MGAM: variants seen among roughly 807,000 people sequenced by gnomAD.
MGAM encodes the protein maltase-glucoamylase.
MGAM carries 253 observed loss-of-function variants against 358.8 expected under a neutral mutation model. The observed-to-expected ratio is 0.71, with a 90% confidence interval of 0.64 to 0.78. The LOEUF (loss-of-function observed/expected upper bound fraction) is 0.78, where lower values mean the gene tolerates loss of function less well. Ranked by LOEUF, MGAM falls within the 30% of genes least tolerant of loss-of-function variation. The pLI is 0.00. For synonymous variants in MGAM, 1,105 were observed against 1,227.1 expected (o/e 0.90, Z 2.08); for missense variants, 3,080 against 3,432.6 (o/e 0.90, Z 2.57).
chr7:142,035,833 A>C (rs1807942700), intron 16 of MGAM, among the ~76,000 whole-genome samples: 2 of 152,180 alleles, frequency 1.3e-5, no homozygotes, highest in Non-Finnish European at 2.9e-5. Flanking sequence ...TGAGGTCAAA[A>C]TAATAATATC....
upstream of MGAM, among the ~76,000 whole-genome samples, chr7:141,993,967 C>G (rs1804053196): frequency 6.6e-6 from 1 of 152,204 alleles, no homozygotes. Context: ...CCTCCGCCTC[C>G]TGGGTTCAAG....
In MGAM at chr7:142,064,385, T is replaced by C; in HGVS notation, c.4347T>C (p.His1449=). The C allele has an allele frequency of 6.2e-7, 1 of 1,607,310 alleles. No homozygotes were observed. Among genetic ancestry groups the C allele is most frequent in the Non-Finnish European group, 8.5e-7 (1 of 1,177,042 alleles). Residue 1449 remains histidine (H), a splice_region_variant and synonymous_variant, in exon 37 of 71, where the codon CAT becomes CAC. Coordinates refer to ENST00000475668, the MANE Select transcript of MGAM (RefSeq NM_001365693.1). The part of the protein sequence containing the change: ...ASLNHPPYMP[H]LESRDRGLSS... ...ACCTCGCCAGTTCTTCCTCCTCAGA[T>C]TTGGAGTCCAGGGACAGGGGCCTGA...
intron 45 of MGAM, among the ~76,000 whole-genome samples, chr7:142,074,986 A>G (rs978264461): frequency 2.1e-5 from 3 of 146,096 alleles, no homozygotes; most frequent in African/African-American, 7.3e-5. Context: ...TGTACCCTTG[A>G]CCATCATCTC....
At chr7:142,035,040 G>T (rs749241088) in intron 16 of MGAM, among the ~76,000 whole-genome samples, 199 bp downstream of exon 16, 1 of 152,146 alleles carries the variant, frequency 6.6e-6, no homozygotes. Context: ...AAGACAGAAC[G>T]TGCAACTTTG....
At chr7:142,032,117 A>G (rs1554464034) in intron 13 of MGAM, among the ~76,000 whole-genome samples, 1 of 151,558 alleles carries the variant, frequency 6.6e-6, no homozygotes, top group African/African-American at 2.4e-5. Flanking sequence ...AAAGTATACA[A>G]ATTGTTCAAT....
chr7:142,085,176 C>T (rs1814641406), intron 54 of MGAM, among the ~76,000 whole-genome samples: 1 of 146,508 alleles, frequency 6.8e-6, no homozygotes, highest in South Asian at 2.2e-4. Context: ...GCTTATCCTT[C>T]ACTGGAGGAT....
rs1186298730 is a variant in MGAM, at chr7:142,057,486, TTGGTGATAGTGGTTG to T, written c.3693+558_3693+572del. ...GTGAGGTGGTGTGAGGAGTGTGATG[TTGGTGATAGTGGTTG>T]TGGTGATAGTGGTGATGGTGGGGAT... On this transcript the variant is annotated intron_variant, in intron 30 of 70. Transcript: ENST00000475668. Among the ~76,000 whole-genome samples, 6 of 136,034 alleles carry T rather than the reference TTGGTGATAGTGGTTG, an allele frequency of 4.4e-5. No homozygotes were observed. The South Asian group carries it at 1.3e-3, about 30-fold the overall frequency. 89.2% of individuals were successfully genotyped at this position (136,034 alleles called of 152,430 possible). A position where few individuals can be genotyped will look rare whatever the true frequency, so the allele number is the denominator to read the frequency against.
chr7:142,087,575 T>C (rs1720377704), intron 57 of MGAM, among the ~76,000 whole-genome samples: 1 of 146,238 alleles, frequency 6.8e-6, no homozygotes, highest in African/African-American at 2.4e-5. Context: ...TCTGGAGCTG[T>C]TCTTCAATAA....
intron 55 of MGAM, 89 bp downstream of exon 55, chr7:142,086,050 A>G: frequency 6.7e-7 from 1 of 1,503,226 alleles, no homozygotes; most frequent in Non-Finnish European, 9.1e-7. Flanking sequence ...CCATGTTGCA[A>G]GTAGATAAAT....
In MGAM at chr7:142,065,946, T is replaced by C. The variant is rs74525129; in HGVS notation, c.4770+115T>C. On this transcript the variant is annotated intron_variant, in intron 40 of 70. Transcript: ENST00000475668. ...TGGGATATCTTTAAAAAAAGGTGTTTTTTTTTGTTTTGTTTTGTTTTGTTT... is the reference window on the plus strand; with the variant it reads ...TGGGATATCTTTAAAAAAAGGTGTTCTTTTTTGTTTTGTTTTGTTTTGTTT... 3.8e-5 allele frequency: 32 copies of C among 839,848 alleles called. 4 individuals carry two copies. In the South Asian group the frequency reaches 5.9e-4, roughly 16 times the overall value. The allele number at this position is 839,848 out of a possible 1,614,324, so 52.0% of individuals were successfully genotyped here. A position where few individuals can be genotyped will look rare whatever the true frequency, so the allele number is the denominator to read the frequency against.
intron 44 of MGAM, among the ~76,000 whole-genome samples, chr7:142,072,538 A>G (rs572031565): frequency 1.4e-5 from 2 of 146,118 alleles, no homozygotes; most frequent in African/African-American, 4.9e-5. Flanking sequence ...GTAGTTGCAT[A>G]CTCTGTGCAT....
intron 68 of MGAM, among the ~76,000 whole-genome samples, chr7:142,101,500 C>G (rs1253273694): frequency 6.6e-6 from 1 of 151,326 alleles, no homozygotes; most frequent in East Asian, 1.9e-4. Context: ...TTTATTCAAT[C>G]TTAACAAGCT....
chr7:142,059,653 G>A lies in MGAM; in HGVS notation c.3948+53G>A, dbSNP rs1811910560. ...CTGTTTGGGAGCAGGTATGGGCTTT[G>A]GTGGAGTCAGAGTTATACTTTATTT... On this transcript the variant is annotated intron_variant, in intron 32 of 70. Transcript: ENST00000475668. 7 of 1,606,216 alleles carry A rather than the reference G, an allele frequency of 4.4e-6. 1 individual carries two copies. In the South Asian group the frequency reaches 5.5e-5, roughly 13 times the overall value.
chr7:142,082,371 C>T, intron 51 of MGAM, 104 bp from the exon 52 acceptor site: 1 of 1,283,972 alleles, frequency 7.8e-7, no homozygotes, highest in Non-Finnish European at 1.1e-6. Context: ...TAATTGATTT[C>T]ATGGAGAAAA....
intron 1 of MGAM, among the ~76,000 whole-genome samples, chr7:142,002,428 C>G (rs921393250): frequency 5.9e-5 from 9 of 152,122 alleles, no homozygotes; most frequent in South Asian, 2.1e-4. Flanking sequence ...ATGCACAATT[C>G]CATAAATGTG....
chr7:141,999,144 T>A (rs1563098143), intron 1 of MGAM, among the ~76,000 whole-genome samples: 1 of 152,168 alleles, frequency 6.6e-6, no homozygotes, highest in Non-Finnish European at 1.5e-5. Context: ...AAAGAATGCT[T>A]GGCACATTGT....
At chr7:142,100,325 A>G (rs1485336480) in intron 67 of MGAM, among the ~76,000 whole-genome samples, 3 of 152,244 alleles carry the variant, frequency 2.0e-5, no homozygotes, top group Non-Finnish European at 4.4e-5. Flanking sequence ...AGAGTCACAC[A>G]GCTACTAAGT....
intron 2 of MGAM, among the ~76,000 whole-genome samples, chr7:141,989,246 G>C (rs906947029): frequency 6.6e-6 from 1 of 152,104 alleles, no homozygotes; most frequent in Non-Finnish European, 1.5e-5. Flanking sequence ...TATTCCTAAG[G>C]GTTGAGGAAC....
chr7:142,045,659 C>G (rs1162681979), intron 21 of MGAM, among the ~76,000 whole-genome samples: 2 of 95,470 alleles, frequency 2.1e-5, no homozygotes, highest in Non-Finnish European at 3.8e-5. Flanking sequence ...TATATACATA[C>G]AATATATGAA....
Sources: gnomAD v4.1 joint callset for allele counts (sites outside exome capture counted in the v4.1 genomes callset) on GRCh38, gnomAD v4.1.1 for gene constraint, MANE v1.5 for transcripts, NCBI Gene and HGNC (gene_info 2026-07-23, HGNC 2026-07-21) for gene names.